The following PCSK5 variants were observed in gnomAD, a reference collection of about 807,000 sequenced individuals.
PCSK5 encodes proprotein convertase subtilisin/kexin type 5.
In PCSK5, 129 loss-of-function variants were observed where a neutral mutation model predicts 233.2. The observed-to-expected ratio is 0.55, with a 90% CI of 0.48 to 0.64. PCSK5 has a LOEUF of 0.64. PCSK5 is among the 30% of genes least tolerant of loss of function. The probability of loss-of-function intolerance (pLI) is 0.00; values close to 1 mark genes in which losing one functional copy is unlikely to be tolerated. For synonymous variants in PCSK5, 825 were observed against 879.2 expected (o/e 0.94, Z 1.09); for missense variants, 2,076 against 2,430.1 (o/e 0.85, Z 3.06).
At chr9:76,102,079 A>C (rs1222574770) in intron 8 of PCSK5, among the ~76,000 whole-genome samples, 1 of 152,238 alleles carries the variant, frequency 6.6e-6, no homozygotes, top group African/African-American at 2.4e-5. Context: ...GTCTCATTTT[A>C]ATGGCCTGAA....
At chr9:76,260,881 G>A (rs1361598912) in intron 24 of PCSK5, among the ~76,000 whole-genome samples, 1 of 152,072 alleles carries the variant, frequency 6.6e-6, no homozygotes, top group African/African-American at 2.4e-5. Flanking sequence ...CACATGGGAA[G>A]GGCTCAATAA....
intron 20 of PCSK5, among the ~76,000 whole-genome samples, chr9:76,197,797 ATG>A (rs1172527007): frequency 6.6e-6 from 1 of 152,180 alleles, no homozygotes; most frequent in Non-Finnish European, 1.5e-5. Context: ...TGCGCCCAAT[ATG>A]TGTAGAAGAC....
At chr9:76,223,850 G>C (rs1825801738) in intron 20 of PCSK5, among the ~76,000 whole-genome samples, 1 of 152,166 alleles carries the variant, frequency 6.6e-6, no homozygotes, top group Non-Finnish European at 1.5e-5. Flanking sequence ...AGAATTTGCT[G>C]CTCCAAAAAC....
intron 22 of PCSK5, among the ~76,000 whole-genome samples, chr9:76,235,093 T>C (rs1482769439): frequency 6.6e-6 from 1 of 152,218 alleles, no homozygotes; most frequent in Non-Finnish European, 1.5e-5. Context: ...GGTTTCTACC[T>C]TGTTTCTGCT....
intron 3 of PCSK5, among the ~76,000 whole-genome samples, chr9:76,005,626 CT>C (rs1282838604): frequency 6.6e-6 from 1 of 152,104 alleles, no homozygotes; most frequent in African/African-American, 2.4e-5. Context: ...CTACAAATAA[CT>C]CCAAACTGAA....
chr9:76,053,741 C>T (rs1032894633), intron 5 of PCSK5, among the ~76,000 whole-genome samples: 1 of 152,192 alleles, frequency 6.6e-6, no homozygotes, highest in African/African-American at 2.4e-5. Context: ...TTCAACATGT[C>T]TCTACGAAGT....
At chr9:76,289,196 G>A (rs1400433353) in intron 24 of PCSK5, among the ~76,000 whole-genome samples, 7 of 151,998 alleles carry the variant, frequency 4.6e-5, no homozygotes, top group Admixed American at 1.3e-4. Context: ...CGGCATCCCC[G>A]TCCTGACGAG....
At chr9:76,356,689 T>C (rs1297427996) in intron 37 of PCSK5, among the ~76,000 whole-genome samples, 1 of 152,078 alleles carries the variant, frequency 6.6e-6, no homozygotes, top group Non-Finnish European at 1.5e-5. Flanking sequence ...AGAATGAAAA[T>C]TATGATAAAA....
At chr9:76,080,808 A>G (rs1344592811) in intron 7 of PCSK5, among the ~76,000 whole-genome samples, 4 of 152,228 alleles carry the variant, frequency 2.6e-5, no homozygotes, top group African/African-American at 9.6e-5. Flanking sequence ...TCCTGTAACA[A>G]TGTAAAGTCT....
chr9:76,273,244 C>T (rs1270107237), intron 24 of PCSK5, among the ~76,000 whole-genome samples: 1 of 152,170 alleles, frequency 6.6e-6, no homozygotes, highest in Non-Finnish European at 1.5e-5. Flanking sequence ...CACATACACA[C>T]ATGTGCTCTA....
In PCSK5 at chr9:75,976,301, C is replaced by G. The variant is rs867251229; in HGVS notation, c.298-9831C>G. 3.5e-4 allele frequency among the ~76,000 whole-genome samples: 32 copies of G among 92,038 alleles called. No individual in the cohort carries two copies. The South Asian group carries it at 3.9e-3, about 11-fold the overall frequency. The allele number at this position is 92,038 out of a possible 152,430, so 60.4% of individuals were successfully genotyped here. ...ACACACACACACACACACACACACA[C>G]ACACACACACACACACACACACCTT... is the stretch of plus-strand genomic sequence containing the variant. On this transcript the variant is annotated intron_variant, in intron 2 of 37. Transcript: ENST00000674117.
At chr9:75,923,866 A>G (rs1201999608) in intron 1 of PCSK5, among the ~76,000 whole-genome samples, 1 of 152,134 alleles carries the variant, frequency 6.6e-6, no homozygotes, top group Non-Finnish European at 1.5e-5. Context: ...CCCTTCTACC[A>G]TCTTCGGAGC....
intron 5 of PCSK5, among the ~76,000 whole-genome samples, chr9:76,040,328 T>C (rs939060743): frequency 7.2e-4 from 4 of 5,570 alleles, no homozygotes; most frequent in Admixed American, 4.1e-3. Flanking sequence ...GTTCTCTGTC[T>C]CTCTCTCTCT....
chr9:76,198,215 C>T (rs572314464), intron 20 of PCSK5, among the ~76,000 whole-genome samples: 211 of 152,278 alleles, frequency 1.4e-3, no homozygotes, highest in Non-Finnish European at 2.7e-3. Context: ...TACAAGGTCT[C>T]TTCTCTAAAG....
intron 3 of PCSK5, among the ~76,000 whole-genome samples, chr9:76,000,517 A>G (rs1023966352): frequency 1.3e-5 from 2 of 152,206 alleles, no homozygotes; most frequent in African/African-American, 4.8e-5. Flanking sequence ...TTTACTCGCT[A>G]GAATATTTTT....
At chr9:76,289,520 ACAC>A (rs1564159629) in intron 24 of PCSK5, among the ~76,000 whole-genome samples, 2 of 68,882 alleles carry the variant, frequency 2.9e-5, no homozygotes, top group African/African-American at 1.2e-4. Flanking sequence ...CGCAACATAC[ACAC>A]ACACACACAC....
intron 20 of PCSK5, among the ~76,000 whole-genome samples, chr9:76,200,390 G>C (rs958981022): frequency 6.6e-6 from 1 of 152,050 alleles, no homozygotes; most frequent in Non-Finnish European, 1.5e-5. Context: ...AACTTCCTCT[G>C]AGCAGTTCCT....
chr9:76,101,797 T>C (rs1427900196), intron 8 of PCSK5, among the ~76,000 whole-genome samples: 3 of 152,220 alleles, frequency 2.0e-5, no homozygotes, highest in African/African-American at 7.2e-5. Context: ...AATTATCTTA[T>C]TGCTTTTAAT....
intron 5 of PCSK5, among the ~76,000 whole-genome samples, chr9:76,042,240 C>G (rs1444664257): frequency 6.6e-6 from 1 of 152,206 alleles, no homozygotes; most frequent in African/African-American, 2.4e-5. Context: ...AAACAAGTGG[C>G]AGAAATAAGT....
Sources: allele counts gnomAD v4.1 joint callset (sites outside exome capture counted in the v4.1 genomes callset), GRCh38; gene constraint gnomAD v4.1.1; transcripts MANE v1.5; gene names NCBI Gene and HGNC (gene_info 2026-07-23, HGNC 2026-07-21).